Variants in FHIT observed in about 807,000 individuals in gnomAD.
The protein encoded by FHIT is fragile histidine triad diadenosine triphosphatase.
A neutral mutation model predicts 17.9 loss-of-function variants in FHIT; 19 were observed. The ratio of observed to expected loss-of-function variants is 1.06; its 90% confidence interval spans 0.74 to 1.56. The LOEUF is 1.56. Ranked by LOEUF, FHIT falls within the 40% of genes most tolerant of loss-of-function variation. The probability of loss-of-function intolerance (pLI) is 0.00; values close to 1 mark genes in which losing one functional copy is unlikely to be tolerated. For missense variants in FHIT, 248 were observed against 189.2 expected, an observed-to-expected ratio of 1.31 and a Z score of -1.82; for synonymous variants, 81 against 69.7, an observed-to-expected ratio of 1.16 and a Z score of -0.81.
chr3:60,816,002 A>G (rs1461855712), intron 4 of FHIT, among the ~76,000 whole-genome samples: 1 of 151,938 alleles, frequency 6.6e-6, no homozygotes, highest in Non-Finnish European at 1.5e-5. Context: ...TTTTCAGGCT[A>G]TTGTAAATGA....
chr3:60,189,242 G>T (rs192370714), intron 5 of FHIT, among the ~76,000 whole-genome samples: 64 of 152,000 alleles, frequency 4.2e-4, no homozygotes, highest in African/African-American at 1.3e-3. Context: ...GCTGGGGGTG[G>T]GGGGGAAAGA....
intron 2 of FHIT, among the ~76,000 whole-genome samples, chr3:61,101,612 G>A (rs898385673): frequency 6.6e-6 from 1 of 152,170 alleles, no homozygotes; most frequent in Non-Finnish European, 1.5e-5. Flanking sequence ...TAGCTTGATG[G>A]GGATGGCATT....
chr3:60,535,964 T>C (rs191601355), intron 5 of FHIT: 1 of 152,180 alleles, frequency 6.6e-6, no homozygotes, highest in Non-Finnish European at 1.5e-5. Context: ...ACTAAGAAAT[T>C]CATTTCAAAG....
intron 5 of FHIT, among the ~76,000 whole-genome samples, chr3:60,405,613 G>C (rs113369720): frequency 5.3e-5 from 8 of 152,336 alleles, no homozygotes; most frequent in African/African-American, 1.7e-4. Flanking sequence ...GTGGCAGGTA[G>C]AGTGCCCCAA....
chr3:61,180,984 C>T (rs1185992666), intron 2 of FHIT, among the ~76,000 whole-genome samples: 2 of 151,994 alleles, frequency 1.3e-5, no homozygotes, highest in Non-Finnish European at 2.9e-5. Flanking sequence ...CATTTATCTC[C>T]GTTGCTTTTT....
chr3:60,481,032 C>T (rs1188678661), intron 5 of FHIT, among the ~76,000 whole-genome samples: 1 of 152,128 alleles, frequency 6.6e-6, no homozygotes, highest in Non-Finnish European at 1.5e-5. Context: ...GGGCTCTGCC[C>T]CTGCAGTAGA....
intron 5 of FHIT, among the ~76,000 whole-genome samples, chr3:60,230,501 C>G (rs1354533380): frequency 6.6e-6 from 1 of 152,052 alleles, no homozygotes; most frequent in African/African-American, 2.4e-5. Flanking sequence ...TCCGAGACTC[C>G]TTATTTTTAA....
chr3:60,636,336 T>A (rs2039584329), intron 4 of FHIT, among the ~76,000 whole-genome samples: 1 of 152,200 alleles, frequency 6.6e-6, no homozygotes, highest in African/African-American at 2.4e-5. Context: ...CCCAAAGTGC[T>A]GGGATTACAG....
At chr3:60,705,578 A>G (rs374534785) in intron 4 of FHIT, among the ~76,000 whole-genome samples, 8 of 152,250 alleles carry the variant, frequency 5.3e-5, no homozygotes, top group South Asian at 2.1e-4. Flanking sequence ...TCACTTGGCT[A>G]TGGTGGTTTT....
intron 4 of FHIT, among the ~76,000 whole-genome samples, chr3:60,647,975 A>G (rs188781160): frequency 1.3e-5 from 2 of 152,328 alleles, no homozygotes; most frequent in Non-Finnish European, 1.5e-5. Context: ...AATGTTAACA[A>G]GAGTTTGTGG....
chr3:60,488,894 C>T (rs2033951350), intron 5 of FHIT, among the ~76,000 whole-genome samples: 2 of 152,236 alleles, frequency 1.3e-5, no homozygotes, highest in Middle Eastern at 3.4e-3. Context: ...TAATATTTTG[C>T]TGAATAATTT....
intron 8 of FHIT, among the ~76,000 whole-genome samples, chr3:59,826,840 A>T (rs985157693): frequency 1.3e-5 from 2 of 152,238 alleles, no homozygotes; most frequent in Non-Finnish European, 1.5e-5. Context: ...TAATTACTGC[A>T]AGTCTTAGAA....
chr3:60,955,616 A>ACACATATATATATATACATG (rs1709102606), intron 3 of FHIT, among the ~76,000 whole-genome samples: 1 of 12,378 alleles, frequency 8.1e-5, no homozygotes, highest in African/African-American at 1.3e-4. Context: ...ATATATATAT[A>ACACATATATATATATACATG]TATATATATA....
rs781897930 is a variant in FHIT at position 60,595,565 on chromosome 3, GTA to G, written c.-17-58588_-17-58587del. ...TGTGTGTGTATATATGGACATATGT[GTA>G]TATATATATACGCACATACGTATGT... On this transcript the variant is annotated intron_variant, in intron 4 of 9. Transcript: ENST00000492590. 1.2e-3 allele frequency among the ~76,000 whole-genome samples: 181 copies of G among 150,150 alleles called. 2 individuals carry two copies. Among genetic ancestry groups the G allele is most frequent in the African/African-American group, 3.9e-3 (161 of 40,814 alleles).
chr3:60,227,881 GCTTC>G (rs1348889108), intron 5 of FHIT, among the ~76,000 whole-genome samples: 28 of 152,194 alleles, frequency 1.8e-4, no homozygotes, highest in Middle Eastern at 6.8e-3. Flanking sequence ...TTTCATTTCT[GCTTC>G]CTTTTCTTGA....
rs781335400 is a variant in FHIT, at chr3:60,395,372, GA to G, written c.103+141487del. Reference sequence around the variant, plus strand: ...TTATAGATGCAGACACTGAGGATTAGAAAGTTTAAAATCCTTGTTCAAAGGC... The same window carrying G: ...TTATAGATGCAGACACTGAGGATTAGAAGTTTAAAATCCTTGTTCAAAGGC... On this transcript the variant is annotated intron_variant, in intron 5 of 9. Coordinates refer to ENST00000492590, the MANE Select transcript of FHIT (RefSeq NM_002012.4). Among the ~76,000 whole-genome samples, 142 of 152,282 alleles carry G rather than the reference GA, an allele frequency of 9.3e-4. 5 individuals carry two copies. The highest frequency in any genetic ancestry group is 3.3e-4 in the Admixed American group (5 of 15,276).
intron 5 of FHIT, among the ~76,000 whole-genome samples, chr3:60,530,163 A>G (rs2035723087): frequency 6.6e-6 from 1 of 152,212 alleles, no homozygotes; most frequent in Non-Finnish European, 1.5e-5. Context: ...AGTTAAAACT[A>G]TCATTAAGCA....
At chr3:60,849,466 A>AC (rs1703060381) in intron 3 of FHIT, among the ~76,000 whole-genome samples, 1 of 147,890 alleles carries the variant, frequency 6.8e-6, no homozygotes, top group South Asian at 2.1e-4. Flanking sequence ...ATATATATAA[A>AC]ATTATTATGA....
chr3:59,948,653 T>C (rs963422803), intron 7 of FHIT, among the ~76,000 whole-genome samples: 6 of 152,208 alleles, frequency 3.9e-5, no homozygotes, highest in Non-Finnish European at 4.4e-5. Context: ...TGCTGTCATT[T>C]TAAAAATTGT....
Sources: gnomAD v4.1 joint callset for allele counts (sites outside exome capture counted in the v4.1 genomes callset) on GRCh38, gnomAD v4.1.1 for gene constraint, MANE v1.5 for transcripts, NCBI Gene and HGNC (gene_info 2026-07-23, HGNC 2026-07-21) for gene names.